NOP53: variants seen among roughly 807,000 people sequenced by gnomAD.
NOP53 encodes the protein NOP53 ribosome biogenesis factor.
In NOP53, 40 loss-of-function variants were observed where a neutral mutation model predicts 61.0. That is an observed-to-expected ratio of 0.66 (90% CI 0.51 to 0.85). The LOEUF (loss-of-function observed/expected upper bound fraction) is 0.85, where lower values mean the gene tolerates loss of function less well. NOP53 is among the 40% of genes least tolerant of loss of function. The probability of loss-of-function intolerance (pLI) is 0.00; values close to 1 mark genes in which losing one functional copy is unlikely to be tolerated. For missense variants in NOP53, 689 were observed against 652.9 expected (o/e 1.06, Z -0.60); for synonymous variants, 308 against 289.5 (o/e 1.06, Z -0.65).
chr19:47,745,754 A>G lies in NOP53; in HGVS notation c.195A>G (p.Glu65=). ...PLGLEVDQFL[E]DVRLQERTSG... is the part of the protein sequence containing the mutation. ...GGCTGGAGGTTGACCAGTTCCTGGA[A>G]GACGTGCGGCTACAGGAGCGCACGA... The change falls in exon 1 of 13, where the codon GAA becomes GAG. Residue 65 remains glutamate (E), a synonymous_variant. Coordinates refer to ENST00000246802, the MANE Select transcript of NOP53 (RefSeq NM_015710.5). 1 of 1,591,368 alleles carries G rather than the reference A, an allele frequency of 6.3e-7. No homozygotes were observed. Among genetic ancestry groups the G allele is most frequent in the South Asian group, 1.1e-5 (1 of 89,348 alleles).
At chr19:47,756,858 G>A in intron 12 of NOP53, 114 bp downstream of exon 12, 1 of 1,502,282 alleles carries the variant, frequency 6.7e-7, no homozygotes, top group Non-Finnish European at 9.3e-7. Context: ...ACACCCCCTT[G>A]GCCATGCCCA....
rs201282982 is a variant in NOP53 at position 47,754,623 on chromosome 19, G to A, written c.862G>A (p.Ala288Thr). Reference protein sequence around the residue: ...QLALPATEQAATQESTFQELC... With the variant: ...QLALPATEQATTQESTFQELC... The stretch of plus-strand genomic sequence containing the variant: ...GGCCCTGCCCGCCACGGAGCAGGCC[G>A]CCACCCAGGTGAGCCCCGCACCTGC... The change falls in exon 7 of 13, where the codon GCC (alanine) becomes ACC (threonine). Residue 288 changes from alanine to threonine, a missense_variant. Physicochemically the swap from Ala to Thr is moderately conservative, Grantham distance 58. Transcript: ENST00000246802. The surrounding 1 kb of genome is among the most constrained non-coding windows in gnomAD (Gnocchi z 4.2). 100 of 1,548,856 alleles carry A rather than the reference G, an allele frequency of 6.5e-5. No homozygotes were observed. The African/African-American group carries it at 1.2e-3, about 19-fold the overall frequency.
intron 12 of NOP53, 60 bp downstream of exon 12, chr19:47,756,804 C>CA: frequency 6.3e-7 from 1 of 1,574,994 alleles, no homozygotes; most frequent in South Asian, 1.1e-5. Context: ...GTGGTGCCCA[C>CA]CGAGTCCCAG....
chr19:47,752,285 G>C (rs775188117), intron 5 of NOP53, among the ~76,000 whole-genome samples: 4 of 152,128 alleles, frequency 2.6e-5, no homozygotes, highest in Non-Finnish European at 4.4e-5. Flanking sequence ...CCAAGTGTTA[G>C]AGCCCAGGTG....
intron 6 of NOP53, chr19:47,753,732 G>C (rs961691069): frequency 3.9e-5 from 6 of 152,196 alleles, no homozygotes; most frequent in African/African-American, 1.4e-4. Flanking sequence ...TTCACTTTTA[G>C]ATTTGTACAG....
chr19:47,750,312 C>G, intron 3 of NOP53, 26 bp downstream of exon 3: 1 of 1,389,288 alleles, frequency 7.2e-7, no homozygotes, highest in South Asian at 1.2e-5. Context: ...TCCCTGGGCC[C>G]TTCTTTCCCA....
In NOP53 at chr19:47,754,711, G is replaced by A; in HGVS notation, c.873G>A (p.Glu291=). 1 of 1,534,362 alleles carries A rather than the reference G, an allele frequency of 6.5e-7. No homozygotes were observed. The highest frequency in any genetic ancestry group is 8.8e-7 in the Non-Finnish European group (1 of 1,136,388). Reference sequence around the variant, plus strand: ...GACACTGCACCCCGCCTCCCCAGGAGTCCACATTCCAGGAGCTGTGCGAGG... The same window carrying A: ...GACACTGCACCCCGCCTCCCCAGGAATCCACATTCCAGGAGCTGTGCGAGG... ...LPATEQAATQ[E]STFQELCEGL... is the part of the protein sequence containing the mutation. Residue 291 remains glutamate (E), a splice_region_variant and synonymous_variant, in exon 8 of 13, where the codon GAG becomes GAA. Coordinates refer to ENST00000246802, the MANE Select transcript of NOP53 (RefSeq NM_015710.5). This position sits in a 1 kb window ranked among gnomAD's most constrained non-coding sequence, Gnocchi z 4.2.
intron 4 of NOP53, 45 bp downstream of exon 4, chr19:47,751,152 T>C (rs547811451): frequency 1.3e-5 from 19 of 1,511,162 alleles, no homozygotes; most frequent in Non-Finnish European, 1.6e-5. Context: ...AGGACGGCCA[T>C]GTGCAGTTTG....
rs990927285 is a variant in NOP53 at position 47,750,223 on chromosome 19, T to C, written c.335T>C (p.Leu112Pro). ...AAAGTCCAGAAGAAGTCACTGCTTCTCAAGAAACCCCTTCGGGTTGACCTC... is the reference window on the plus strand; with the variant it reads ...AAAGTCCAGAAGAAGTCACTGCTTCCCAAGAAACCCCTTCGGGTTGACCTC... Reference protein sequence around the residue: ...RTKVQKKSLLLKKPLRVDLIL... With the variant: ...RTKVQKKSLLPKKPLRVDLIL... Residue 112 changes from leucine (L) to proline (P), a missense_variant, in exon 3 of 13, where the codon CTC (leucine) becomes CCC (proline). Coordinates refer to ENST00000246802, the MANE Select transcript of NOP53 (RefSeq NM_015710.5). 3.1e-6 allele frequency: 5 copies of C among 1,613,266 alleles called. No homozygotes were observed. The African/African-American group carries it at 6.7e-5, about 22-fold the overall frequency.
chr19:47,750,385 G>A (rs986763210), intron 3 of NOP53, 99 bp downstream of exon 3: 3 of 749,330 alleles, frequency 4.0e-6, no homozygotes, highest in Non-Finnish European at 7.1e-6. Flanking sequence ...CATTTGAAGG[G>A]TAGGGCAGGC....
chr19:47,752,754 C>G, intron 6 of NOP53, 147 bp downstream of exon 6: 1 of 613,152 alleles, frequency 1.6e-6, no homozygotes, highest in Non-Finnish European at 3.0e-6. Flanking sequence ...GTGCAAGAGA[C>G]CTGTTCCCAG....
chr19:47,747,682 T>A (rs1967080384), intron 2 of NOP53, among the ~76,000 whole-genome samples: 1 of 150,852 alleles, frequency 6.6e-6, no homozygotes, highest in Admixed American at 6.6e-5. Context: ...AGTGGTGTGA[T>A]CTCAGTTCAA....
At position 47,755,515 on chromosome 19, in the gene NOP53, G is replaced by T; in HGVS notation, c.1221G>T (p.Gly407=). ...EAEADKPRRL[G]RLKYQAPDID... ...AGGCTGACAAGCCCCGAAGGCTGGG[G>T]CGGCTCAAGTGAGAACCAGGCCGGG... The change falls in exon 9 of 13, where the codon GGG becomes GGT. Residue 407 remains glycine (G), a synonymous_variant. Transcript: ENST00000246802. The T allele has an allele frequency of 6.8e-7, 1 of 1,472,912 alleles. No homozygotes were observed. The allele number at this position is 1,472,912 out of a possible 1,614,324, so 91.2% of individuals were successfully genotyped here.
At chr19:47,755,563 G>C in intron 9 of NOP53, 40 bp downstream of exon 9, 1 of 1,456,328 alleles carries the variant, frequency 6.9e-7, no homozygotes. Context: ...GGCTGGGGAG[G>C]GGGCCGGGTC....
At chr19:47,755,310 G>C (rs1416577578) in intron 8 of NOP53, 38 bp from the exon 9 acceptor site, 1 of 1,370,910 alleles carries the variant, frequency 7.3e-7, no homozygotes, top group Non-Finnish European at 9.6e-7. Flanking sequence ...TGTGTGGGCA[G>C]CACCGGCCTG....
At position 47,756,566 on chromosome 19, in the gene NOP53, C is replaced by G. The variant is rs1274209575; in HGVS notation, c.1335C>G (p.Phe445Leu). Residue 445 changes from phenylalanine (F) to leucine (L), a missense_variant, in exon 11 of 13, where the codon TTC becomes TTG. Coordinates refer to ENST00000246802, the MANE Select transcript of NOP53 (RefSeq NM_015710.5). ...GNILRDRFKS[F>L]QRRNMIEPRE... ...TCCTTCGAGACCGGTTCAAGAGCTTCCAGAGGAGGAATATGATCGAGCCTC... is the reference window on the plus strand; with the variant it reads ...TCCTTCGAGACCGGTTCAAGAGCTTGCAGAGGAGGAATATGATCGAGCCTC... The G allele has an allele frequency of 2.5e-6, 4 of 1,614,092 alleles. No individual in the cohort carries two copies. Among genetic ancestry groups the G allele is most frequent in the Non-Finnish European group, 2.5e-6 (3 of 1,180,008 alleles).
chr19:47,750,702 C>T (rs888330066), intron 3 of NOP53, among the ~76,000 whole-genome samples: 5 of 152,002 alleles, frequency 3.3e-5, no homozygotes, highest in Admixed American at 1.3e-4. Context: ...GCTGTTGCTT[C>T]GTTGAGTCTG....
chr19:47,752,685 C>A, intron 6 of NOP53, 78 bp downstream of exon 6: 1 of 908,924 alleles, frequency 1.1e-6, no homozygotes, highest in Non-Finnish European at 1.8e-6. Flanking sequence ...CCTCCCTGTG[C>A]TGGGAACTCC....
Position 47,756,742 on chromosome 19 carries a change from C to G in NOP53, c.1428C>G (p.Ile476Met). The G allele has an allele frequency of 6.2e-7, 1 of 1,613,386 alleles. No homozygotes were observed. Among genetic ancestry groups the G allele is most frequent in the Non-Finnish European group, 8.5e-7 (1 of 1,179,922 alleles). The change falls in exon 12 of 13, where the codon ATC becomes ATG. Residue 476 changes from isoleucine (I) to methionine (M), a missense_variant and splice_region_variant. Transcript: ENST00000246802. Reference sequence around the variant, plus strand: ...TGGAGAAGCGGGCGTTCCGTGAGATCCAGTGAGTCCACCCGGCTTCGGCGC... The same window carrying G: ...TGGAGAAGCGGGCGTTCCGTGAGATGCAGTGAGTCCACCCGGCTTCGGCGC... The part of the protein sequence containing the change: ...KLVEKRAFRE[I>M]QL
Sources: gnomAD v4.1 joint callset for allele counts (sites outside exome capture counted in the v4.1 genomes callset) on GRCh38, gnomAD v4.1.1 for gene constraint, Gnocchi (gnomAD v3.1) non-coding constraint, MANE v1.5 for transcripts, NCBI Gene and HGNC (gene_info 2026-07-23, HGNC 2026-07-21) for gene names.